Variants in HDAC8 observed in about 807,000 individuals in gnomAD.
The protein encoded by HDAC8 is histone deacetylase 8.
In HDAC8, 1 loss-of-function variant was observed where a neutral mutation model predicts 32.2. The ratio of observed to expected loss-of-function variants is 0.03; its 90% confidence interval spans 0.01 to 0.15. The LOEUF is 0.15. HDAC8 is among the 10% of genes least tolerant of loss of function. The pLI, the probability that HDAC8 is intolerant of heterozygous loss-of-function variation, is 1.00. For missense variants in HDAC8, 117 were observed against 300.0 expected (o/e 0.39, Z 4.51); for synonymous variants, 108 against 113.9 (o/e 0.95, Z 0.33).
intron 4 of HDAC8, among the ~76,000 whole-genome samples, chrX:72,534,927 T>C (rs1287579842): frequency 8.9e-6 from 1 of 112,120 alleles, no homozygotes; most frequent in African/African-American, 3.2e-5. Flanking sequence ...TTTATAATTC[T>C]GTCCACCATT....
At chrX:72,505,374 C>T (rs2049358078) in intron 4 of HDAC8, among the ~76,000 whole-genome samples, 1 of 111,501 alleles carries the variant, frequency 9.0e-6, no homozygotes, top group Admixed American at 9.5e-5. Flanking sequence ...TTTTGTGTTT[C>T]AGCAGAAAAC....
intron 4 of HDAC8, among the ~76,000 whole-genome samples, chrX:72,528,424 G>C (rs1351661994): frequency 8.9e-6 from 1 of 112,235 alleles, no homozygotes; most frequent in African/African-American, 3.2e-5. Context: ...AAGAGCAGTG[G>C]CATTGTTTTA....
rs1556138416 is a variant in HDAC8 at position 72,567,860 on chromosome X, G to A, written c.437+29C>T. Reference sequence around the variant, plus strand: ...ACTGAGAAACTGACTCAAGGAAAGAGTCAGAAAACAGAAAGGTCATTTTCT... The same window carrying A: ...ACTGAGAAACTGACTCAAGGAAAGAATCAGAAAACAGAAAGGTCATTTTCT... On this transcript the variant is annotated intron_variant, in intron 4 of 10. Transcript: ENST00000373573. The A allele has an allele frequency of 2.5e-6, 3 of 1,211,896 alleles. No individual in the cohort carries two copies. In the South Asian group the frequency reaches 5.3e-5, roughly 21 times the overall value.
intron 9 of HDAC8, among the ~76,000 whole-genome samples, chrX:72,425,535 A>G (rs781931287): frequency 3.9e-4 from 44 of 112,283 alleles, no homozygotes; most frequent in African/African-American, 1.4e-3. Flanking sequence ...GTAAGTGTCA[A>G]TGAGATTCTC....
intron 4 of HDAC8, among the ~76,000 whole-genome samples, chrX:72,552,438 C>G (rs1024833865): frequency 9.0e-6 from 1 of 111,571 alleles, no homozygotes; most frequent in Admixed American, 9.5e-5. Context: ...TGGCAAAACC[C>G]CATCTCTACT....
chrX:72,443,515 C>G (rs2047252914), intron 9 of HDAC8, among the ~76,000 whole-genome samples: 2 of 111,810 alleles, frequency 1.8e-5, no homozygotes, highest in African/African-American at 6.5e-5. Context: ...ATACCAGAAT[C>G]TCTGGGACAC....
chrX:72,499,528 A>T (rs916230300), intron 4 of HDAC8, among the ~76,000 whole-genome samples: 2 of 111,829 alleles, frequency 1.8e-5, no homozygotes, highest in African/African-American at 3.3e-5. Flanking sequence ...ACTAAACAAC[A>T]TGCTCCTGAA....
chrX:72,453,512 G>GAAAGAAAGAAAGAAAGAA (rs2047642405), intron 9 of HDAC8, among the ~76,000 whole-genome samples: 1 of 108,125 alleles, frequency 9.2e-6, no homozygotes, highest in Non-Finnish European at 1.9e-5. Context: ...AAGAAAGAAA[G>GAAAGAAAGAAAGAAAGAA]AAAGAAAGAA....
chrX:72,393,539 G>A (rs1181165241), intron 9 of HDAC8, among the ~76,000 whole-genome samples: 2 of 111,798 alleles, frequency 1.8e-5, no homozygotes, highest in South Asian at 3.8e-4. Context: ...GATAGGTCTC[G>A]CTACGTCCCT....
At chrX:72,524,179 A>G (rs1304792706) in intron 4 of HDAC8, among the ~76,000 whole-genome samples, 1 of 112,185 alleles carries the variant, frequency 8.9e-6, no homozygotes, top group African/African-American at 3.2e-5. Flanking sequence ...TCTACTTCTG[A>G]TCTGTATACT....
At chrX:72,496,415 C>T (rs1183542512) in intron 4 of HDAC8, among the ~76,000 whole-genome samples, 2 of 110,780 alleles carry the variant, frequency 1.8e-5, no homozygotes, top group South Asian at 3.8e-4. Flanking sequence ...CGGCAATCAT[C>T]TAGCCAAAGA....
Position 72,572,638 on chromosome X carries a change from C to G in HDAC8, c.111+13G>C. ...CCCCAAAGCCCATGGTCTTTCATCC[C>G]GACTTCCCTTACCCGTTTGGGGATC... On this transcript the variant is annotated intron_variant, in intron 1 of 10. Coordinates refer to ENST00000373573, the MANE Select transcript of HDAC8 (RefSeq NM_018486.3). 2.9e-6 allele frequency: 3 copies of G among 1,041,720 alleles called. No homozygotes were observed. The highest frequency in any genetic ancestry group is 2.6e-4 in the Middle Eastern group (1 of 3,785). 85.8% of individuals were successfully genotyped at this position (1,041,720 alleles called of 1,213,427 possible). A position where few individuals can be genotyped will look rare whatever the true frequency, so the allele number is the denominator to read the frequency against.
chrX:72,526,437 C>T (rs1556032270), intron 4 of HDAC8, among the ~76,000 whole-genome samples: 1 of 111,022 alleles, frequency 9.0e-6, no homozygotes, highest in Non-Finnish European at 1.9e-5. Context: ...CGCATTTCTA[C>T]ACTGCCTTAT....
At chrX:72,560,529 C>G (rs2051510474) in intron 4 of HDAC8, among the ~76,000 whole-genome samples, 2 of 100,249 alleles carry the variant, frequency 2.0e-5, no homozygotes, top group Non-Finnish European at 4.0e-5. Context: ...CCAAATCCCC[C>G]TCTCCGAGAA....
intron 9 of HDAC8, among the ~76,000 whole-genome samples, chrX:72,357,590 C>A (rs1413791145): frequency 9.0e-6 from 1 of 110,848 alleles, no homozygotes; most frequent in Non-Finnish European, 1.9e-5. Context: ...TGGAAAGAGA[C>A]CTTTGCTGCA....
intron 4 of HDAC8, among the ~76,000 whole-genome samples, chrX:72,547,024 AC>A (rs1426038838): frequency 1.8e-5 from 2 of 110,963 alleles, no homozygotes; most frequent in African/African-American, 6.6e-5. Flanking sequence ...CTTTCCCTTG[AC>A]CACACCCCTC....
rs781918096 is a variant in HDAC8 at position 72,351,700 on chromosome X, C to G, written c.1111+33G>C. On this transcript the variant is annotated intron_variant, in intron 10 of 10. Transcript: ENST00000373573. ...ATGGGCCACCACAAACTGGGTGGAA[C>G]AAGGAGGGCAGGCCTCGAGGGGCGG... 1.1e-5 allele frequency: 12 copies of G among 1,064,611 alleles called. No homozygotes were observed. In the South Asian group the frequency reaches 2.3e-4, roughly 20 times the overall value. 87.7% of individuals were successfully genotyped at this position (1,064,611 alleles called of 1,213,427 possible).
At chrX:72,495,014 A>C in intron 5 of HDAC8, 142 bp downstream of exon 5, 1 of 423,583 alleles carries the variant, frequency 2.4e-6, no homozygotes. Flanking sequence ...CAATTAGAGG[A>C]ATCACTACAC....
intron 9 of HDAC8, among the ~76,000 whole-genome samples, chrX:72,416,653 T>C (rs1192037841): frequency 9.3e-6 from 1 of 107,182 alleles, no homozygotes; most frequent in Non-Finnish European, 1.9e-5. Flanking sequence ...GACTATCCTC[T>C]TTTTAAAATT....
Sources: gnomAD v4.1 joint callset for allele counts (sites outside exome capture counted in the v4.1 genomes callset) on GRCh38, gnomAD v4.1.1 for gene constraint, MANE v1.5 for transcripts, NCBI Gene and HGNC (gene_info 2026-07-23, HGNC 2026-07-21) for gene names.